METTL15: variants seen among roughly 807,000 people sequenced by gnomAD.
METTL15 encodes methyltransferase 15, mitochondrial 12S rRNA N4-cytidine, also known as 12S rRNA N(4)-cytidine methyltransferase METTL15.
In METTL15, 34 loss-of-function variants were observed where a neutral mutation model predicts 38.3. The ratio of observed to expected loss-of-function variants is 0.89; its 90% CI spans 0.68 to 1.18. The LOEUF is 1.18. Ranked by LOEUF, METTL15 falls within the 50% of genes most tolerant of loss-of-function variation. METTL15 has a pLI of 0.00. For synonymous variants in METTL15, 162 were observed against 170.9 expected, an observed-to-expected ratio of 0.95 and a Z score of 0.41; for missense variants, 438 against 498.4, an observed-to-expected ratio of 0.88 and a Z score of 1.15.
intron 6 of METTL15, among the ~76,000 whole-genome samples, chr11:28,321,916 TGTA>T (rs1849484587): frequency 6.6e-6 from 1 of 151,908 alleles, no homozygotes; most frequent in Non-Finnish European, 1.5e-5. Context: ...TATATAGAAA[TGTA>T]GTATATGATC....
intron 3 of METTL15, among the ~76,000 whole-genome samples, chr11:28,185,168 C>T (rs1412204365): frequency 6.6e-6 from 1 of 151,458 alleles, no homozygotes; most frequent in East Asian, 1.9e-4. Flanking sequence ...GGGATCATAT[C>T]TTTTCTATAT....
intron 6 of METTL15, among the ~76,000 whole-genome samples, chr11:28,487,727 GC>G (rs1590391815): frequency 6.6e-6 from 1 of 152,092 alleles, no homozygotes; most frequent in Non-Finnish European, 1.5e-5. Context: ...CCAATCCACT[GC>G]CTTATCACCA....
At chr11:28,527,614 G>C (rs1331324397), downstream of METTL15, among the ~76,000 whole-genome samples, 1 of 152,150 alleles carries the variant, frequency 6.6e-6, no homozygotes, top group East Asian at 1.9e-4. Context: ...CAACTTTGCT[G>C]TCTCCTAGAG....
At chr11:28,363,407 C>T (rs545500463) in intron 5 of METTL15, among the ~76,000 whole-genome samples, 16 of 152,140 alleles carry the variant, frequency 1.1e-4, no homozygotes, top group East Asian at 1.9e-4. Context: ...ACTCCCGATC[C>T]GTGATCCACC....
At chr11:28,336,573 T>G (rs765104105), downstream of METTL15, among the ~76,000 whole-genome samples, 4 of 152,148 alleles carry the variant, frequency 2.6e-5, no homozygotes, top group Non-Finnish European at 5.9e-5. Context: ...TGGACTACAC[T>G]CATGCACCAC....
chr11:28,131,244 C>A (rs1216249796), intron 3 of METTL15, among the ~76,000 whole-genome samples: 2 of 152,186 alleles, frequency 1.3e-5, no homozygotes, highest in African/African-American at 4.8e-5. Context: ...AATCACCTGG[C>A]AACAGAGTTT....
chr11:28,451,039 A>G (rs1021502344), intron 6 of METTL15, among the ~76,000 whole-genome samples: 4 of 152,164 alleles, frequency 2.6e-5, no homozygotes, highest in African/African-American at 4.8e-5. Flanking sequence ...TTTGACTCCA[A>G]AGGTCTTTCT....
At chr11:28,305,294 A>T (rs932762117) in intron 6 of METTL15, among the ~76,000 whole-genome samples, 1 of 152,166 alleles carries the variant, frequency 6.6e-6, no homozygotes, top group African/African-American at 2.4e-5. Flanking sequence ...GGAGCAGGGA[A>T]TGTTCCAGTC....
chr11:28,249,022 T>C (rs932321092), intron 4 of METTL15, among the ~76,000 whole-genome samples: 1 of 151,964 alleles, frequency 6.6e-6, no homozygotes, highest in Admixed American at 6.6e-5. Context: ...TGTGAAGCTA[T>C]CTCCTACCAG....
chr11:28,355,172 A>G (rs987386572), intron 4 of METTL15, among the ~76,000 whole-genome samples: 2 of 152,150 alleles, frequency 1.3e-5, no homozygotes, highest in East Asian at 1.9e-4. Context: ...CTTTATCCCA[A>G]CTTGTATTAA....
intron 3 of METTL15, among the ~76,000 whole-genome samples, chr11:28,147,972 A>G (rs1268387209): frequency 1.3e-5 from 2 of 151,848 alleles, no homozygotes; most frequent in Admixed American, 1.3e-4. Context: ...ATTGAGTATT[A>G]CCAGTTAGAG....
Position 28,499,441 on chromosome 11 carries a change from T to G in METTL15, c.*425-27037T>G, listed in dbSNP as rs187449219. 3.9e-5 allele frequency among the ~76,000 whole-genome samples: 6 copies of G among 152,340 alleles called. No homozygotes were observed. The East Asian group carries it at 1.2e-3, about 29-fold the overall frequency. On this transcript the variant is annotated intron_variant and NMD_transcript_variant, in intron 6 of 7. Coordinates refer to the METTL15 transcript ENST00000532947. ...CCTAAATAAATATATTAGATATGCT[T>G]AAGAAACAGCTACAAAAGAGACATA...
At chr11:28,212,281 G>T (rs2133842609) in intron 4 of METTL15, among the ~76,000 whole-genome samples, 1 of 152,120 alleles carries the variant, frequency 6.6e-6, no homozygotes, top group East Asian at 1.9e-4. Flanking sequence ...TTTGACCGCA[G>T]ATTATTTCAT....
intron 4 of METTL15, among the ~76,000 whole-genome samples, chr11:28,234,074 G>T (rs550137598): frequency 6.6e-6 from 1 of 151,548 alleles, no homozygotes; most frequent in East Asian, 1.9e-4. Context: ...TTGTCCTTGC[G>T]ATAGTTTACT....
chr11:28,174,772 G>A (rs1416293935), intron 3 of METTL15, among the ~76,000 whole-genome samples: 6 of 143,972 alleles, frequency 4.2e-5, no homozygotes, highest in South Asian at 2.2e-4. Context: ...AAGAGATTGC[G>A]CCACTGCACT....
chr11:28,351,865 G>A (rs569670452), intron 3 of METTL15, among the ~76,000 whole-genome samples: 125 of 152,280 alleles, frequency 8.2e-4, no homozygotes, highest in African/African-American at 2.8e-3. Context: ...GACTGTTTAC[G>A]TTTTATAAAC....
intron 5 of METTL15, among the ~76,000 whole-genome samples, chr11:28,413,068 G>C (rs72878381): frequency 6.6e-6 from 1 of 151,864 alleles, no homozygotes; most frequent in Non-Finnish European, 1.5e-5. Context: ...TTCATTAAAA[G>C]TTTTTTTAGA....
At chr11:28,496,219 T>A (rs1204850977) in intron 6 of METTL15, among the ~76,000 whole-genome samples, 1 of 152,164 alleles carries the variant, frequency 6.6e-6, no homozygotes, top group African/African-American at 2.4e-5. Flanking sequence ...AGAAGGCGAA[T>A]CAGAAGCAAA....
chr11:28,249,511 G>T (rs1376807789), intron 4 of METTL15, among the ~76,000 whole-genome samples: 3 of 151,860 alleles, frequency 2.0e-5, no homozygotes, highest in Non-Finnish European at 4.4e-5. Context: ...TGATGGGAAG[G>T]TTTATGCTTC....
Sources: gnomAD v4.1 joint callset for allele counts (sites outside exome capture counted in the v4.1 genomes callset) on GRCh38, gnomAD v4.1.1 for gene constraint, MANE v1.5 for transcripts, NCBI Gene and HGNC (gene_info 2026-07-23, HGNC 2026-07-21) for gene names.